PDCD6: variants seen among roughly 807,000 people sequenced by gnomAD.
The protein encoded by PDCD6 is programmed cell death 6.
PDCD6 carries 12 observed loss-of-function variants against 28.3 expected under a neutral mutation model. The ratio of observed to expected loss-of-function variants is 0.42; its 90% confidence interval spans 0.27 to 0.69. The LOEUF is 0.69. Among genes scored for constraint, PDCD6 ranks in the 30% least tolerant of loss-of-function variants. The pLI is 0.22. For synonymous variants in PDCD6, 92 were observed against 108.0 expected (o/e 0.85, Z 0.92); for missense variants, 226 against 269.9 (o/e 0.84, Z 1.14).
At chr5:274,545 T>C (rs1224034205) in intron 2 of PDCD6, among the ~76,000 whole-genome samples, 4 of 152,208 alleles carry the variant, frequency 2.6e-5, no homozygotes, top group Non-Finnish European at 5.9e-5. Context: ...GCTCAGTAAT[T>C]GTCAGCTGTG....
chr5:295,152 A>C lies in PDCD6; in HGVS notation c.164-9025A>C, dbSNP rs1739529420. ...CAGACTGAAGGAGGAAGGCTGCCAC[A>C]AGTCAAAGACAGAGGGTGTCACCTC... is the stretch of plus-strand genomic sequence containing the variant. On this transcript the variant is annotated intron_variant, in intron 2 of 5. Transcript: ENST00000264933. Among the ~76,000 whole-genome samples the C allele has an allele frequency of 2.0e-5, 3 of 152,200 alleles. No homozygotes were observed. The South Asian group carries it at 6.2e-4, about 32-fold the overall frequency.
Position 307,469 on chromosome 5 carries a change from G to A in PDCD6, c.367+709G>A, listed in dbSNP as rs961684334. On this transcript the variant is annotated intron_variant, in intron 4 of 5. Transcript: ENST00000264933. This position sits in a 1 kb window ranked among gnomAD's most constrained non-coding sequence, Gnocchi z 6.1. ...ACGCGTGTGCACACACACATGTGACGGTGTGCCGTGGGTCTAGGAGTGTTC... is the reference window on the plus strand; with the variant it reads ...ACGCGTGTGCACACACACATGTGACAGTGTGCCGTGGGTCTAGGAGTGTTC... 2.6e-5 allele frequency among the ~76,000 whole-genome samples: 4 copies of A among 152,214 alleles called. No individual in the cohort carries two copies. Among genetic ancestry groups the A allele is most frequent in the Non-Finnish European group, 4.4e-5 (3 of 68,050 alleles).
chr5:296,938 T>C (rs578164816), intron 2 of PDCD6, among the ~76,000 whole-genome samples: 1 of 152,174 alleles, frequency 6.6e-6, no homozygotes, highest in Admixed American at 6.5e-5. Flanking sequence ...ATCCACACAG[T>C]TGAATCTCAT....
intron 2 of PDCD6, among the ~76,000 whole-genome samples, chr5:295,102 C>T (rs1031740823): frequency 6.6e-6 from 1 of 152,100 alleles, no homozygotes; most frequent in African/African-American, 2.4e-5. Context: ...AGGGGCTGTA[C>T]AGCAAACACT....
intron 2 of PDCD6, among the ~76,000 whole-genome samples, chr5:300,599 C>T (rs940233661): frequency 1.1e-4 from 16 of 152,234 alleles, no homozygotes; most frequent in East Asian, 7.7e-4. Context: ...GGTTTTCAGG[C>T]GGTTGCCCAG....
At chr5:272,515 C>A (rs1277858642) in intron 1 of PDCD6, among the ~76,000 whole-genome samples, 196 bp from the exon 2 acceptor site, 1 of 142,034 alleles carries the variant, frequency 7.0e-6, no homozygotes, top group East Asian at 1.9e-4. Context: ...AGATGATTGT[C>A]CTCTTAGGGG....
At chr5:275,396 A>G (rs571730275) in intron 2 of PDCD6, among the ~76,000 whole-genome samples, 11 of 152,246 alleles carry the variant, frequency 7.2e-5, no homozygotes, top group Admixed American at 4.6e-4. Context: ...TGGCCACCCC[A>G]TTTCTCCTGG....
intron 2 of PDCD6, among the ~76,000 whole-genome samples, chr5:278,955 G>A (rs986108206): frequency 6.6e-6 from 1 of 151,918 alleles, no homozygotes; most frequent in Non-Finnish European, 1.5e-5. Flanking sequence ...GTCTCACGGG[G>A]TGTGGGCCAC....
intron 2 of PDCD6, among the ~76,000 whole-genome samples, chr5:275,714 C>T (rs1459737446): frequency 6.6e-6 from 1 of 152,236 alleles, no homozygotes; most frequent in Non-Finnish European, 1.5e-5. Flanking sequence ...TGGTCCATCT[C>T]ACAGCCTCAG....
At chr5:298,483 C>G (rs1739759386) in intron 2 of PDCD6, among the ~76,000 whole-genome samples, 1 of 152,008 alleles carries the variant, frequency 6.6e-6, no homozygotes. Context: ...AAACTCTCCT[C>G]CCCAGCTCCG....
intron 2 of PDCD6, chr5:276,059 G>T: frequency 8.3e-7 from 1 of 1,200,782 alleles, no homozygotes; most frequent in African/African-American, 1.6e-5. Flanking sequence ...GCAACATTGT[G>T]AGACCCTGTT....
intron 2 of PDCD6, among the ~76,000 whole-genome samples, chr5:284,415 T>C (rs1419978304): frequency 1.3e-5 from 2 of 152,204 alleles, no homozygotes; most frequent in African/African-American, 4.8e-5. Flanking sequence ...ATGTTCCAAT[T>C]TGAGGGTCAT....
intron 2 of PDCD6, among the ~76,000 whole-genome samples, chr5:285,993 C>CGGGGGGG (rs1738930887): frequency 6.6e-6 from 1 of 150,456 alleles, no homozygotes; most frequent in South Asian, 2.1e-4. Context: ...GCTGGAGACC[C>CGGGGGGG]AGGTGGGAGC....
rs778668839 is a variant in PDCD6, at chr5:271,682, T to C, written c.-39T>C. On this transcript the variant is annotated 5_prime_UTR_variant, in exon 1 of 6. Transcript: ENST00000264933. Reference sequence around the variant, plus strand: ...CGGAGTCGGCCTGAGAGGTCTCTCGTCGCTGCAGGCGCCTCAGCCCAGCCG... The same window carrying C: ...CGGAGTCGGCCTGAGAGGTCTCTCGCCGCTGCAGGCGCCTCAGCCCAGCCG... 2.6e-5 allele frequency: 32 copies of C among 1,248,008 alleles called. 2 individuals are homozygous for C. The South Asian group carries it at 3.9e-4, about 15-fold the overall frequency. 77.3% of individuals were successfully genotyped at this position (1,248,008 alleles called of 1,614,324 possible).
At chr5:288,025 A>G (rs1237526911) in intron 2 of PDCD6, among the ~76,000 whole-genome samples, 1 of 152,160 alleles carries the variant, frequency 6.6e-6, no homozygotes, top group Non-Finnish European at 1.5e-5. Flanking sequence ...TAAATAATGA[A>G]GTCTGTTTCT....
At chr5:298,897 CTCTCACCCAGCTGT>C (rs2126740364) in intron 2 of PDCD6, among the ~76,000 whole-genome samples, 1 of 60,444 alleles carries the variant, frequency 1.7e-5, no homozygotes, top group Non-Finnish European at 3.4e-5. Context: ...CACCCAGCTG[CTCTCACCCAGCTGT>C]TCCCCCCAGC....
At chr5:276,597 G>A (rs1738215821) in intron 2 of PDCD6, 1 of 982,034 alleles carries the variant, frequency 1.0e-6, no homozygotes, top group African/African-American at 1.8e-5. Flanking sequence ...ATTGAAATTA[G>A]TTTGATTTCT....
At position 288,798 on chromosome 5, in the gene PDCD6, G is replaced by A. The variant is rs982953226; in HGVS notation, c.164-15379G>A. ...TTTATACGGCGTTAAAACCAGAACT[G>A]TATGTAAAATACTGCATCTAAATGT... On this transcript the variant is annotated intron_variant, in intron 2 of 5. Transcript: ENST00000264933. 8.3e-6 allele frequency: 9 copies of A among 1,085,496 alleles called. No individual in the cohort carries two copies. The African/African-American group carries it at 1.3e-4, about 15-fold the overall frequency. The allele number at this position is 1,085,496 out of a possible 1,614,324, so 67.2% of individuals were successfully genotyped here.
At chr5:299,724 TATTTTTAGTAGAGATGGGGTTTCACC>T (rs1412463880) in intron 2 of PDCD6, among the ~76,000 whole-genome samples, 1 of 152,148 alleles carries the variant, frequency 6.6e-6, no homozygotes. Flanking sequence ...TAATTTTTTG[TATTTTTAGTAGAGATGGGGTTTCACC>T]ATATTAGCCA....
Sources: allele counts gnomAD v4.1 joint callset (sites outside exome capture counted in the v4.1 genomes callset), GRCh38; gene constraint gnomAD v4.1.1; non-coding constraint Gnocchi (gnomAD v3.1); transcripts MANE v1.5; gene names NCBI Gene and HGNC (gene_info 2026-07-23, HGNC 2026-07-21).